The following CDK6 variants were observed in gnomAD, a reference collection of about 807,000 sequenced individuals.
CDK6 encodes the protein cyclin dependent kinase 6.
Under a neutral mutation model 37.1 loss-of-function variants are expected in CDK6, and 6 were observed. The observed-to-expected ratio is 0.16, with a 90% CI of 0.09 to 0.32. The LOEUF is 0.32. Ranked by LOEUF, CDK6 falls within the 10% of genes least tolerant of loss-of-function variation. The probability of loss-of-function intolerance (pLI) is 1.00; values close to 1 mark genes in which losing one functional copy is unlikely to be tolerated. For missense variants in CDK6, 224 were observed against 418.9 expected (o/e 0.53, Z 4.06); for synonymous variants, 160 against 161.3 (o/e 0.99, Z 0.06).
chr7:92,768,213 G>A (rs1799630429), intron 3 of CDK6, among the ~76,000 whole-genome samples: 1 of 152,078 alleles, frequency 6.6e-6, no homozygotes. Context: ...TGAAAACAAA[G>A]GATATAGAAA....
intron 3 of CDK6, among the ~76,000 whole-genome samples, chr7:92,738,980 C>T (rs548094662): frequency 1.3e-5 from 2 of 152,256 alleles, no homozygotes; most frequent in African/African-American, 4.8e-5. Flanking sequence ...AATCTCAGAA[C>T]AATTTGCACA....
At chr7:92,655,216 T>G (rs1796668459) in intron 5 of CDK6, among the ~76,000 whole-genome samples, 1 of 151,984 alleles carries the variant, frequency 6.6e-6, no homozygotes, top group South Asian at 2.1e-4. Flanking sequence ...ATTATTTCAC[T>G]GCCAGTCTTA....
At chr7:92,632,609 T>C (rs1167441138) in intron 5 of CDK6, among the ~76,000 whole-genome samples, 2 of 152,174 alleles carry the variant, frequency 1.3e-5, no homozygotes, top group African/African-American at 2.4e-5. Context: ...AAAATTTTAC[T>C]GGCCCAACAG....
intron 2 of CDK6, among the ~76,000 whole-genome samples, chr7:92,826,996 G>A (rs761021522): frequency 1.3e-5 from 2 of 151,958 alleles, no homozygotes; most frequent in South Asian, 2.1e-4. Flanking sequence ...TTTTTTTCTG[G>A]TATATCCAAT....
intron 3 of CDK6, among the ~76,000 whole-genome samples, chr7:92,754,466 TTC>T (rs1799264159): frequency 6.6e-6 from 1 of 152,194 alleles, no homozygotes; most frequent in South Asian, 2.1e-4. Flanking sequence ...TTTTCCCCCA[TTC>T]TTTCTGTAAA....
At chr7:92,738,675 T>C (rs1450476873) in intron 3 of CDK6, among the ~76,000 whole-genome samples, 1 of 151,484 alleles carries the variant, frequency 6.6e-6, no homozygotes, top group Admixed American at 6.6e-5. Flanking sequence ...ACAATAGGAA[T>C]TGCCCAGGGA....
rs1210290354 is a variant in CDK6, at chr7:92,725,262, T to C, written c.537+364A>G. 19 of 985,344 alleles carry C rather than the reference T, an allele frequency of 1.9e-5. No individual in the cohort carries two copies. In the African/African-American group the frequency reaches 3.0e-4, roughly 15 times the overall value. 61.0% of individuals were successfully genotyped at this position (985,344 alleles called of 1,614,324 possible). A position where few individuals can be genotyped will look rare whatever the true frequency, so the allele number is the denominator to read the frequency against. ...CCATGATGCTGCAGACAGGTCAACG[T>C]TGCTCGTGCTCTTTCTTCCCTGACC... On this transcript the variant is annotated intron_variant, in intron 4 of 7. Coordinates refer to ENST00000424848, the MANE Select transcript of CDK6 (RefSeq NM_001145306.2).
intron 5 of CDK6, among the ~76,000 whole-genome samples, chr7:92,658,807 T>C (rs1201274919): frequency 6.6e-6 from 1 of 152,240 alleles, no homozygotes; most frequent in African/African-American, 2.4e-5. Flanking sequence ...ATCTCCTACT[T>C]TGATCCTTCG....
chr7:92,703,979 C>T (rs1797911645), intron 4 of CDK6, among the ~76,000 whole-genome samples: 3 of 152,276 alleles, frequency 2.0e-5, no homozygotes, highest in East Asian at 3.9e-4. Flanking sequence ...CTGCACTGAC[C>T]TTCTTGCTTT....
intron 2 of CDK6, among the ~76,000 whole-genome samples, chr7:92,805,348 A>T (rs1800697519): frequency 6.6e-6 from 1 of 152,210 alleles, no homozygotes; most frequent in Non-Finnish European, 1.5e-5. Context: ...TCTCCTAGCC[A>T]TCATAAAGTC....
chr7:92,832,464 G>T (rs913077803), intron 2 of CDK6, among the ~76,000 whole-genome samples: 1 of 152,198 alleles, frequency 6.6e-6, no homozygotes, highest in Non-Finnish European at 1.5e-5. Context: ...AGTTTTGGAA[G>T]AAATTTTTAT....
chr7:92,814,392 C>G (rs1339167419), intron 2 of CDK6, among the ~76,000 whole-genome samples: 1 of 152,130 alleles, frequency 6.6e-6, no homozygotes, highest in Non-Finnish European at 1.5e-5. Context: ...TGTTCTTAAA[C>G]TTTTTTGCTT....
At chr7:92,639,163 G>A (rs898770972) in intron 5 of CDK6, among the ~76,000 whole-genome samples, 4 of 152,090 alleles carry the variant, frequency 2.6e-5, no homozygotes, top group East Asian at 1.9e-4. Flanking sequence ...GTGAACACAC[G>A]TAGAAAACCT....
intron 4 of CDK6, among the ~76,000 whole-genome samples, chr7:92,694,154 T>C (rs1797657504): frequency 6.6e-6 from 1 of 152,112 alleles, no homozygotes; most frequent in Non-Finnish European, 1.5e-5. Flanking sequence ...CCAGATATAC[T>C]CTGGATATTA....
At chr7:92,692,561 A>G (rs997366014) in intron 4 of CDK6, among the ~76,000 whole-genome samples, 21 of 152,294 alleles carry the variant, frequency 1.4e-4, no homozygotes, top group African/African-American at 3.8e-4. Context: ...AGGTGGGCAG[A>G]CTGCTTGAGC....
intron 2 of CDK6, among the ~76,000 whole-genome samples, chr7:92,806,931 G>A (rs918657930): frequency 1.3e-5 from 2 of 152,116 alleles, no homozygotes; most frequent in Admixed American, 6.6e-5. Flanking sequence ...GACATAATAC[G>A]AAGAGGACAA....
intron 3 of CDK6, among the ~76,000 whole-genome samples, chr7:92,729,120 A>G (rs1391493870): frequency 6.6e-6 from 1 of 152,230 alleles, no homozygotes; most frequent in Non-Finnish European, 1.5e-5. Context: ...GGTAAGAAAA[A>G]AACACCTTTC....
chr7:92,762,558 T>C (rs1238628163), intron 3 of CDK6, among the ~76,000 whole-genome samples: 1 of 152,078 alleles, frequency 6.6e-6, no homozygotes, highest in Non-Finnish European at 1.5e-5. Flanking sequence ...ACTAACCGTA[T>C]TCATAGAACA....
intron 2 of CDK6, among the ~76,000 whole-genome samples, chr7:92,825,457 C>T (rs116545881): frequency 1.3e-5 from 2 of 149,734 alleles, no homozygotes; most frequent in South Asian, 2.2e-4. Context: ...CATGCACATG[C>T]GTGCACACAC....
Sources: gnomAD v4.1 joint callset for allele counts (sites outside exome capture counted in the v4.1 genomes callset) on GRCh38, gnomAD v4.1.1 for gene constraint, MANE v1.5 for transcripts, NCBI Gene and HGNC (gene_info 2026-07-23, HGNC 2026-07-21) for gene names.